The following DLG2 variants were observed in gnomAD, a reference collection of about 807,000 sequenced individuals.
The protein encoded by DLG2 is discs large MAGUK scaffold protein 2, also known as disks large homolog 2.
Under a neutral mutation model 132.5 loss-of-function variants are expected in DLG2, and 45 were observed. The observed-to-expected ratio is 0.34, with a 90% confidence interval of 0.27 to 0.44. DLG2 has a LOEUF of 0.44. Among genes scored for constraint, DLG2 ranks in the 20% least tolerant of loss-of-function variants. The probability of loss-of-function intolerance (pLI) is 1.00; values close to 1 mark genes in which losing one functional copy is unlikely to be tolerated. For synonymous variants in DLG2, 424 were observed against 419.6 expected (o/e 1.01, Z -0.13); for missense variants, 1,045 against 1,196.9 (o/e 0.87, Z 1.87).
intron 21 of DLG2, among the ~76,000 whole-genome samples, chr11:83,491,063 C>G (rs1032772762): frequency 1.3e-5 from 2 of 151,022 alleles, no homozygotes; most frequent in African/African-American, 4.9e-5. Context: ...TTGTAAAGCA[C>G]TTAATGCAAT....
At chr11:84,363,217 T>A (rs1326129948) in intron 7 of DLG2, among the ~76,000 whole-genome samples, 1 of 152,086 alleles carries the variant, frequency 6.6e-6, no homozygotes, top group African/African-American at 2.4e-5. Context: ...TGGTGTGATA[T>A]GATATCTCAT....
At chr11:85,399,018 T>C (rs2087734750) in intron 3 of DLG2, among the ~76,000 whole-genome samples, 1 of 152,192 alleles carries the variant, frequency 6.6e-6, no homozygotes, top group Non-Finnish European at 1.5e-5. Context: ...CATGATTGTA[T>C]ATTTAGAAAA....
chr11:84,343,242 C>T (rs1343621263), intron 7 of DLG2, among the ~76,000 whole-genome samples: 1 of 152,150 alleles, frequency 6.6e-6, no homozygotes, highest in Non-Finnish European at 1.5e-5. Context: ...AAATGCTTAT[C>T]ACACTGAATT....
At chr11:83,932,237 A>G (rs369215154) in intron 14 of DLG2, among the ~76,000 whole-genome samples, 1 of 142,598 alleles carries the variant, frequency 7.0e-6, no homozygotes, top group Non-Finnish European at 1.5e-5. Flanking sequence ...ACATTTGAAG[A>G]TTTTTTTTTT....
At chr11:85,211,104 C>G (rs1480238599) in intron 4 of DLG2, among the ~76,000 whole-genome samples, 1 of 152,062 alleles carries the variant, frequency 6.6e-6, no homozygotes, top group Non-Finnish European at 1.5e-5. Flanking sequence ...GAGACTTGGT[C>G]TGTTTTATTA....
At chr11:83,934,507 C>T (rs2081031429) in intron 14 of DLG2, among the ~76,000 whole-genome samples, 1 of 151,660 alleles carries the variant, frequency 6.6e-6, no homozygotes, top group Non-Finnish European at 1.5e-5. Flanking sequence ...AGTCCCTGCC[C>T]TGTATCAGAG....
At chr11:84,704,938 A>G (rs2059630379) in intron 6 of DLG2, among the ~76,000 whole-genome samples, 1 of 147,848 alleles carries the variant, frequency 6.8e-6, no homozygotes, top group African/African-American at 2.5e-5. Context: ...CATATATATT[A>G]TATATATATT....
At chr11:84,066,180 C>T (rs1215373840) in intron 10 of DLG2, among the ~76,000 whole-genome samples, 1 of 151,852 alleles carries the variant, frequency 6.6e-6, no homozygotes, top group Admixed American at 6.6e-5. Context: ...TGCAATTCAC[C>T]TATATAACAA....
chr11:84,628,492 A>C (rs867389503), intron 6 of DLG2, among the ~76,000 whole-genome samples: 16 of 152,226 alleles, frequency 1.1e-4, no homozygotes, highest in Admixed American at 2.0e-4. Flanking sequence ...TGTTCTTTAC[A>C]TACCAATCTT....
chr11:83,823,660 C>A (rs1402807074), intron 17 of DLG2, among the ~76,000 whole-genome samples: 1 of 151,132 alleles, frequency 6.6e-6, no homozygotes, highest in Non-Finnish European at 1.5e-5. Flanking sequence ...TTCATTCATT[C>A]ATTCATTCAT....
chr11:84,538,052 AC>A (rs1432017618), intron 6 of DLG2, among the ~76,000 whole-genome samples: 4 of 152,172 alleles, frequency 2.6e-5, no homozygotes, highest in Admixed American at 1.3e-4. Context: ...GAAAAGAACA[AC>A]CCTTGACTTC....
At chr11:85,297,513 C>T (rs978012509) in intron 3 of DLG2, among the ~76,000 whole-genome samples, 8 of 152,198 alleles carry the variant, frequency 5.3e-5, no homozygotes, top group Admixed American at 2.0e-4. Flanking sequence ...CTGATAGTTC[C>T]ACTAACAGTC....
intron 6 of DLG2, among the ~76,000 whole-genome samples, chr11:84,743,084 T>C (rs1354092970): frequency 1.3e-5 from 2 of 152,210 alleles, no homozygotes; most frequent in African/African-American, 2.4e-5. Flanking sequence ...GAAATAATTA[T>C]AAATTCACAG....
At chr11:84,303,403 T>C (rs1303841725) in intron 7 of DLG2, among the ~76,000 whole-genome samples, 5 of 152,222 alleles carry the variant, frequency 3.3e-5, no homozygotes, top group Admixed American at 3.3e-4. Flanking sequence ...AGATTTTTTA[T>C]GCAATGGTGG....
chr11:84,830,794 T>C (rs190481001), intron 6 of DLG2, among the ~76,000 whole-genome samples: 2 of 151,712 alleles, frequency 1.3e-5, no homozygotes, highest in African/African-American at 4.8e-5. Flanking sequence ...AGAATATCTT[T>C]ACTTTTCAAT....
intron 6 of DLG2, among the ~76,000 whole-genome samples, chr11:85,023,579 A>T (rs981801259): frequency 5.3e-5 from 8 of 152,060 alleles, no homozygotes; most frequent in African/African-American, 1.7e-4. Context: ...TAAATACACA[A>T]ACAAAATAGT....
chr11:83,537,737 C>T (rs867022065), intron 20 of DLG2, among the ~76,000 whole-genome samples: 12 of 142,488 alleles, frequency 8.4e-5, no homozygotes, highest in African/African-American at 3.2e-4. Context: ...ATAGCTTGAA[C>T]CCGGGAGGTG....
chr11:85,028,132 GC>G (rs1014617100), intron 6 of DLG2, among the ~76,000 whole-genome samples: 6 of 152,254 alleles, frequency 3.9e-5, no homozygotes, highest in Non-Finnish European at 7.4e-5. Flanking sequence ...AGAGGGATCT[GC>G]AGTGGGTGGC....
At chr11:85,593,602 C>A (rs530258388) in intron 3 of DLG2, among the ~76,000 whole-genome samples, 2 of 152,210 alleles carry the variant, frequency 1.3e-5, no homozygotes, top group Non-Finnish European at 2.9e-5. Flanking sequence ...ATAAATACAG[C>A]CAAGTTGCTC....
Sources: allele counts gnomAD v4.1 joint callset (sites outside exome capture counted in the v4.1 genomes callset), GRCh38; gene constraint gnomAD v4.1.1; transcripts MANE v1.5; gene names NCBI Gene and HGNC (gene_info 2026-07-23, HGNC 2026-07-21).